MGST2: variants seen among roughly 807,000 people sequenced by gnomAD.
MGST2 encodes the protein microsomal glutathione S-transferase 2.
MGST2 carries 9 observed loss-of-function variants against 16.6 expected under a neutral mutation model. The observed-to-expected ratio is 0.54, with a 90% CI of 0.33 to 0.95. The LOEUF (loss-of-function observed/expected upper bound fraction) is 0.95, where lower values mean the gene tolerates loss of function less well. Among genes scored for constraint, MGST2 ranks in the 40% least tolerant of loss-of-function variants. The probability of loss-of-function intolerance (pLI) is 0.03; values close to 1 mark genes in which losing one functional copy is unlikely to be tolerated. For missense variants in MGST2, 159 were observed against 175.1 expected (o/e 0.91, Z 0.52); for synonymous variants, 79 against 68.0 (o/e 1.16, Z -0.79).
intron 3 of MGST2, among the ~76,000 whole-genome samples, chr4:139,702,010 A>G (rs1341443713): frequency 1.3e-5 from 2 of 152,072 alleles, no homozygotes; most frequent in Non-Finnish European, 2.9e-5. Context: ...AATAAATTTA[A>G]TTTAATCTAG....
rs1579325591 is a variant in MGST2 at position 139,698,624 on chromosome 4, G to A, written c.229+3357G>A. ...GCTCGGCGAGCGAGAGGCGGCGCTG[G>A]CGTTGGAGAGCCAAGTATGTGTTTC... On this transcript the variant is annotated intron_variant, in intron 3 of 4. Coordinates refer to ENST00000265498, the MANE Select transcript of MGST2 (RefSeq NM_002413.5). The A allele has an allele frequency of 3.5e-6, 3 of 846,866 alleles. No homozygotes were observed. The African/African-American group carries it at 5.0e-5, about 14-fold the overall frequency. The allele number at this position is 846,866 out of a possible 1,614,324, so 52.5% of individuals were successfully genotyped here.
At chr4:139,718,332 C>T (rs1487453911) in intron 5 of MGST2, 1 of 152,168 alleles carries the variant, frequency 6.6e-6, no homozygotes, top group African/African-American at 2.4e-5. Context: ...GGACTCTGCC[C>T]AAGGCTCCCT....
chr4:139,678,668 A>T (rs1255873913), intron 2 of MGST2, 26 bp downstream of exon 2: 10 of 1,544,624 alleles, frequency 6.5e-6, no homozygotes, highest in Non-Finnish European at 8.1e-6. Context: ...TCCACCCTTC[A>T]TGGATCTGTG....
intron 2 of MGST2, among the ~76,000 whole-genome samples, chr4:139,684,959 C>T (rs1348959413): frequency 6.6e-6 from 1 of 152,182 alleles, no homozygotes. Flanking sequence ...CTAAGCCCTC[C>T]TTATTCAGTT....
chr4:139,749,392 T>C, the MGST2 span, among the ~76,000 whole-genome samples: 2 of 152,198 alleles, frequency 1.3e-5, no homozygotes, highest in Non-Finnish European at 2.9e-5. Context: ...TTGCATATAT[T>C]CCCTTCCTAA....
intron 1 of MGST2, among the ~76,000 whole-genome samples, chr4:139,675,791 T>G (rs1354263652): frequency 1.3e-5 from 2 of 152,246 alleles, no homozygotes; most frequent in Non-Finnish European, 2.9e-5. Flanking sequence ...TGGTCCATAT[T>G]AGCCACATAT....
At chr4:139,719,459 T>C in intron 5 of MGST2, 1 of 1,614,022 alleles carries the variant, frequency 6.2e-7, no homozygotes, top group Non-Finnish European at 8.5e-7. Context: ...ACTGTAATTG[T>C]ATGACACGTC....
intron 5 of MGST2, among the ~76,000 whole-genome samples, chr4:139,721,176 T>C (rs918575788): frequency 6.6e-6 from 1 of 152,226 alleles, no homozygotes; most frequent in African/African-American, 2.4e-5. Flanking sequence ...AACACAATTT[T>C]AATAATGCTG....
intron 2 of MGST2, among the ~76,000 whole-genome samples, chr4:139,690,346 T>G (rs1293122482): frequency 6.6e-6 from 1 of 152,156 alleles, no homozygotes; most frequent in Non-Finnish European, 1.5e-5. Flanking sequence ...CTCACTGTGT[T>G]GCCCAGGCTG....
downstream of MGST2, among the ~76,000 whole-genome samples, chr4:139,708,946 C>A (rs79341154): frequency 3.6e-5 from 5 of 137,956 alleles, no homozygotes; most frequent in African/African-American, 1.4e-4. Context: ...TTGTGGTGAG[C>A]GGAGATGGCA....
chr4:139,686,168 G>A (rs989053705), intron 2 of MGST2, among the ~76,000 whole-genome samples: 4 of 152,126 alleles, frequency 2.6e-5, no homozygotes, highest in African/African-American at 9.7e-5. Flanking sequence ...TGGTGGGGTG[G>A]GAGCAGGGGG....
At chr4:139,738,068 C>T (rs1405538823) in intron 5 of MGST2, among the ~76,000 whole-genome samples, 19 of 152,248 alleles carry the variant, frequency 1.2e-4, no homozygotes, top group African/African-American at 4.3e-4. Flanking sequence ...ATTGGGGGAA[C>T]CCCACAGGCC....
At chr4:139,690,529 C>T (rs1322269531) in intron 2 of MGST2, among the ~76,000 whole-genome samples, 1 of 152,100 alleles carries the variant, frequency 6.6e-6, no homozygotes, top group Non-Finnish European at 1.5e-5. Context: ...ATGGATAAAT[C>T]CCAGATTCTC....
At chr4:139,747,660 C>A in the MGST2 span, among the ~76,000 whole-genome samples, 48 of 151,726 alleles carry the variant, frequency 3.2e-4, no homozygotes, top group African/African-American at 1.1e-3. Flanking sequence ...TGCCACTGCA[C>A]TCCAGCCTGG....
intron 5 of MGST2, among the ~76,000 whole-genome samples, chr4:139,721,989 T>A (rs993345570): frequency 2.6e-5 from 4 of 152,126 alleles, no homozygotes; most frequent in African/African-American, 9.7e-5. Context: ...TATTGCTGAG[T>A]CAGAGATTGA....
At chr4:139,734,026 G>A (rs560866252) in intron 5 of MGST2, among the ~76,000 whole-genome samples, 1 of 152,250 alleles carries the variant, frequency 6.6e-6, no homozygotes, top group Admixed American at 6.5e-5. Context: ...CCTTCCATAC[G>A]AAACATCTTT....
chr4:139,676,634 C>T (rs1730972442), intron 1 of MGST2, among the ~76,000 whole-genome samples: 1 of 152,148 alleles, frequency 6.6e-6, no homozygotes, highest in African/African-American at 2.4e-5. Context: ...ATATTAATCA[C>T]ATCTAAAAAA....
chr4:139,682,302 C>T (rs1332392158), intron 2 of MGST2, among the ~76,000 whole-genome samples: 1 of 151,518 alleles, frequency 6.6e-6, no homozygotes, highest in African/African-American at 2.4e-5. Flanking sequence ...GGATGGGTTC[C>T]TGGGGGGTAA....
At chr4:139,748,055 A>G in the MGST2 span, among the ~76,000 whole-genome samples, 1 of 8,410 alleles carries the variant, frequency 1.2e-4, no homozygotes, top group East Asian at 2.1e-3. Flanking sequence ...ACTTCGTCTA[A>G]AAAAAAAAAA....
Sources: allele counts gnomAD v4.1 joint callset (sites outside exome capture counted in the v4.1 genomes callset), GRCh38; gene constraint gnomAD v4.1.1; transcripts MANE v1.5; gene names NCBI Gene and HGNC (gene_info 2026-07-23, HGNC 2026-07-21).